The following CCSER1 variants were observed in gnomAD, a reference collection of about 807,000 sequenced individuals.
CCSER1 encodes coiled-coil serine rich protein 1.
In CCSER1, 41 loss-of-function variants were observed where a neutral mutation model predicts 82.0. That is an observed-to-expected ratio of 0.50 (90% CI 0.39 to 0.65). CCSER1 has a LOEUF of 0.65. Ranked by LOEUF, CCSER1 falls within the 30% of genes least tolerant of loss-of-function variation. The pLI is 0.00. For synonymous variants in CCSER1, 414 were observed against 383.9 expected (o/e 1.08, Z -0.92); for missense variants, 1,119 against 1,064.2 (o/e 1.05, Z -0.72).
chr4:90,841,398 G>T (rs570261958), intron 8 of CCSER1, among the ~76,000 whole-genome samples: 16 of 151,902 alleles, frequency 1.1e-4, no homozygotes, highest in Middle Eastern at 3.4e-3. Context: ...CTAACACAAT[G>T]AAACCCCGTC....
chr4:91,248,703 T>C (rs1431686422), intron 10 of CCSER1, among the ~76,000 whole-genome samples: 1 of 152,076 alleles, frequency 6.6e-6, no homozygotes. Flanking sequence ...TGGATGGGTT[T>C]CTGAAACAGA....
At chr4:90,637,423 C>T (rs576549547) in intron 6 of CCSER1, among the ~76,000 whole-genome samples, 1 of 152,192 alleles carries the variant, frequency 6.6e-6, no homozygotes, top group Admixed American at 6.5e-5. Context: ...TTATTGGTCA[C>T]AAAGATCAAA....
intron 5 of CCSER1, among the ~76,000 whole-genome samples, chr4:90,509,667 G>C (rs78352192): frequency 6.6e-6 from 1 of 151,986 alleles, no homozygotes; most frequent in East Asian, 1.9e-4. Context: ...GTGCTTGAAC[G>C]TTATTATCAC....
At chr4:90,585,767 A>T (rs1441832947) in intron 5 of CCSER1, among the ~76,000 whole-genome samples, 1 of 152,104 alleles carries the variant, frequency 6.6e-6, no homozygotes, top group Non-Finnish European at 1.5e-5. Context: ...CAGCCCTGAT[A>T]TTTCTATACT....
intron 8 of CCSER1, among the ~76,000 whole-genome samples, chr4:90,865,417 T>C (rs1332901928): frequency 6.6e-6 from 1 of 152,180 alleles, no homozygotes; most frequent in South Asian, 2.1e-4. Context: ...TTGCCTTCAA[T>C]TGAACACTAA....
chr4:90,183,929 A>C (rs1168937330), intron 1 of CCSER1, among the ~76,000 whole-genome samples: 2 of 152,126 alleles, frequency 1.3e-5, no homozygotes, highest in African/African-American at 4.8e-5. Flanking sequence ...TAAATAAATA[A>C]TACCATAAAA....
At chr4:90,731,015 T>G (rs1372628571) in intron 7 of CCSER1, among the ~76,000 whole-genome samples, 1 of 152,104 alleles carries the variant, frequency 6.6e-6, no homozygotes, top group African/African-American at 2.4e-5. Context: ...AACTATTGCT[T>G]TGGTTTCTGT....
chr4:90,224,828 T>A (rs1279873419), intron 1 of CCSER1, among the ~76,000 whole-genome samples: 1 of 152,192 alleles, frequency 6.6e-6, no homozygotes, highest in Non-Finnish European at 1.5e-5. Context: ...GGCAGGATCA[T>A]AATTAGCCTA....
At position 90,532,754 on chromosome 4, in the gene CCSER1, T is replaced by C. The variant is rs183497330; in HGVS notation, c.1724+64400T>C. On this transcript the variant is annotated intron_variant, in intron 5 of 10. Coordinates refer to ENST00000509176, the MANE Select transcript of CCSER1 (RefSeq NM_001145065.2). ...TCTTACATTTAAAGGAAATTAGTTT[T>C]ACATTTCCCTAGGATATTTTTGTAG... Among the ~76,000 whole-genome samples the C allele has an allele frequency of 5.3e-5, 8 of 152,326 alleles. No homozygotes were observed. The East Asian group carries it at 7.7e-4, about 15-fold the overall frequency.
At chr4:90,786,188 G>A (rs941944825) in intron 7 of CCSER1, among the ~76,000 whole-genome samples, 2 of 152,142 alleles carry the variant, frequency 1.3e-5, no homozygotes, top group South Asian at 2.1e-4. Flanking sequence ...GTTCTGTAGG[G>A]CACGTGGAAG....
intron 5 of CCSER1, among the ~76,000 whole-genome samples, chr4:90,586,262 GT>G (rs1402129536): frequency 6.6e-6 from 1 of 152,054 alleles, no homozygotes; most frequent in Non-Finnish European, 1.5e-5. Context: ...CCCCACCCCA[GT>G]TTTTTTCCAA....
At chr4:90,299,799 C>G (rs1266471032) in intron 1 of CCSER1, among the ~76,000 whole-genome samples, 2 of 152,068 alleles carry the variant, frequency 1.3e-5, no homozygotes, top group Non-Finnish European at 2.9e-5. Flanking sequence ...AGTGTGAGCC[C>G]TGTTTAAATC....
chr4:90,179,427 C>G (rs373231809), intron 1 of CCSER1, among the ~76,000 whole-genome samples: 1 of 152,154 alleles, frequency 6.6e-6, no homozygotes, highest in Non-Finnish European at 1.5e-5. Context: ...GTCTCACTCT[C>G]TGTAGCCTAG....
intron 5 of CCSER1, among the ~76,000 whole-genome samples, chr4:90,550,023 C>A (rs116730640): frequency 1.1e-3 from 174 of 151,958 alleles, no homozygotes; most frequent in African/African-American, 4.2e-3. Flanking sequence ...AAAAAAAATT[C>A]TTTTATTATT....
At chr4:91,418,219 A>G (rs1451983367) in intron 10 of CCSER1, among the ~76,000 whole-genome samples, 1 of 151,848 alleles carries the variant, frequency 6.6e-6, no homozygotes, top group African/African-American at 2.4e-5. Flanking sequence ...TCAGGAAAGA[A>G]ATAATACAGA....
intron 6 of CCSER1, among the ~76,000 whole-genome samples, chr4:90,682,122 C>T (rs1733993934): frequency 6.6e-6 from 1 of 151,718 alleles, no homozygotes; most frequent in Admixed American, 6.6e-5. Context: ...TATGTCTTTA[C>T]TCTGATTTGG....
chr4:91,191,409 A>G (rs528834648), intron 10 of CCSER1, among the ~76,000 whole-genome samples: 2 of 152,268 alleles, frequency 1.3e-5, no homozygotes, highest in East Asian at 3.9e-4. Flanking sequence ...GAACATGTGT[A>G]TACTTATAAC....
chr4:90,725,096 C>T, intron 7 of CCSER1: 1 of 363,538 alleles, frequency 2.8e-6, no homozygotes, highest in South Asian at 2.2e-5. Context: ...GAAACATTTT[C>T]TTTATTATTA....
chr4:91,217,708 C>T (rs576729429), intron 10 of CCSER1, among the ~76,000 whole-genome samples: 68 of 151,958 alleles, frequency 4.5e-4, no homozygotes, highest in Non-Finnish European at 7.4e-4. Context: ...TACAGAGTGC[C>T]GATTGGTGTA....
Sources: allele counts gnomAD v4.1 joint callset (sites outside exome capture counted in the v4.1 genomes callset), GRCh38; gene constraint gnomAD v4.1.1; transcripts MANE v1.5; gene names NCBI Gene and HGNC (gene_info 2026-07-23, HGNC 2026-07-21).